The following PIAS1 variants were observed in gnomAD, a reference collection of about 807,000 sequenced individuals.
PIAS1 encodes the protein E3 SUMO-protein ligase PIAS1.
In PIAS1, 6 loss-of-function variants were observed where a neutral mutation model predicts 71.3. The observed-to-expected ratio is 0.08, with a 90% CI of 0.05 to 0.17. The LOEUF (loss-of-function observed/expected upper bound fraction) is 0.17, where lower values mean the gene tolerates loss of function less well. Among genes scored for constraint, PIAS1 ranks in the 10% least tolerant of loss-of-function variants. The probability of loss-of-function intolerance (pLI) is 1.00; values close to 1 mark genes in which losing one functional copy is unlikely to be tolerated. For synonymous variants in PIAS1, 303 were observed against 292.9 expected (o/e 1.03, Z -0.35); for missense variants, 555 against 793.6 (o/e 0.70, Z 3.61).
intron 12 of PIAS1, among the ~76,000 whole-genome samples, chr15:68,182,880 G>A (rs2093064203): frequency 1.3e-5 from 2 of 152,208 alleles, no homozygotes; most frequent in Admixed American, 6.5e-5. Flanking sequence ...CAGAGTATCT[G>A]TGGTGTTGTA....
chr15:68,170,608 A>C (rs1241600535), intron 8 of PIAS1, among the ~76,000 whole-genome samples: 1 of 152,046 alleles, frequency 6.6e-6, no homozygotes, highest in Non-Finnish European at 1.5e-5. Context: ...TAAATTTAAA[A>C]TATTTTTCTT....
intron 6 of PIAS1, among the ~76,000 whole-genome samples, chr15:68,152,311 CTTTT>C (rs1595770081): frequency 6.6e-6 from 1 of 152,164 alleles, no homozygotes; most frequent in East Asian, 1.9e-4. Flanking sequence ...GGTAAATTCG[CTTTT>C]TTGACACTTC....
intron 8 of PIAS1, among the ~76,000 whole-genome samples, chr15:68,172,465 C>T (rs543045885): frequency 6.6e-6 from 1 of 152,268 alleles, no homozygotes; most frequent in South Asian, 2.1e-4. Flanking sequence ...AATGGTATTT[C>T]TAGTTCCAGA....
chr15:68,077,068 G>T (rs1162775469), intron 1 of PIAS1, among the ~76,000 whole-genome samples: 1 of 152,134 alleles, frequency 6.6e-6, no homozygotes, highest in African/African-American at 2.4e-5. Flanking sequence ...AGGATGAGGT[G>T]GTTTGACTTT....
chr15:68,129,420 C>G (rs948108971), intron 2 of PIAS1, among the ~76,000 whole-genome samples: 1 of 151,778 alleles, frequency 6.6e-6, no homozygotes, highest in African/African-American at 2.4e-5. Flanking sequence ...TATACTTGAC[C>G]GTAAACATAA....
intron 1 of PIAS1, among the ~76,000 whole-genome samples, chr15:68,059,584 G>C (rs867722068): frequency 9.9e-5 from 15 of 151,644 alleles, no homozygotes; most frequent in South Asian, 8.4e-4. Flanking sequence ...GGTGGTGGGC[G>C]CCTGTAATCT....
intron 2 of PIAS1, among the ~76,000 whole-genome samples, chr15:68,116,959 G>A (rs2092570161): frequency 6.6e-6 from 1 of 152,136 alleles, no homozygotes; most frequent in South Asian, 2.1e-4. Context: ...TTCAGTACAT[G>A]TATAAATTGT....
rs533551662 is a variant in PIAS1 at position 68,192,307 on chromosome 15, T to C, written c.*4472T>C. ...TCTGGTGGATTTACCATGAAGGTAA[T>C]GAAGTTTAAGCACCAGGACCCTTCA... On this transcript the variant is annotated 3_prime_UTR_variant, in exon 14 of 14. Transcript: ENST00000249636. 6.6e-6 allele frequency: 1 copy of C among 152,228 alleles called. No homozygotes were observed. The highest frequency in any genetic ancestry group is 2.1e-4 in the South Asian group (1 of 4,820). 9.4% of individuals were successfully genotyped at this position (152,228 alleles called of 1,614,324 possible). A position where few individuals can be genotyped will look rare whatever the true frequency, so the allele number is the denominator to read the frequency against.
intron 13 of PIAS1, chr15:68,184,947 C>T (rs1239346254): frequency 2.0e-5 from 3 of 153,342 alleles, no homozygotes; most frequent in Non-Finnish European, 4.4e-5. Context: ...AAGAAGTCAT[C>T]GATGACCCAG....
At chr15:68,084,316 G>A (rs1327352052) in intron 1 of PIAS1, among the ~76,000 whole-genome samples, 1 of 151,954 alleles carries the variant, frequency 6.6e-6, no homozygotes, top group Non-Finnish European at 1.5e-5. Flanking sequence ...TCTAATCCTT[G>A]AAGTTTCATG....
intron 11 of PIAS1, among the ~76,000 whole-genome samples, chr15:68,179,845 TG>T (rs2093043493): frequency 6.6e-6 from 1 of 152,058 alleles, no homozygotes; most frequent in African/African-American, 2.4e-5. Flanking sequence ...CCCAAAGTGC[TG>T]GGATTACAGG....
intron 1 of PIAS1, among the ~76,000 whole-genome samples, chr15:68,082,992 A>G (rs2092242470): frequency 1.3e-5 from 2 of 152,150 alleles, no homozygotes; most frequent in Non-Finnish European, 2.9e-5. Flanking sequence ...CAAAATATAT[A>G]CAGTTCTGAG....
In PIAS1 at chr15:68,160,334, C is replaced by T. The variant is rs538487037; in HGVS notation, c.935-4397C>T. Among the ~76,000 whole-genome samples the T allele has an allele frequency of 2.6e-5, 4 of 152,204 alleles. No homozygotes were observed. The East Asian group carries it at 5.8e-4, about 22-fold the overall frequency. On this transcript the variant is annotated intron_variant, in intron 7 of 13. Coordinates refer to ENST00000249636, the MANE Select transcript of PIAS1 (RefSeq NM_016166.3). ...TTCATTTTTTCCCCCACATAGATAT[C>T]GAAATATTCCAACAGCATTTGTTGA...
chr15:68,170,892 C>T (rs1250465529), intron 8 of PIAS1, among the ~76,000 whole-genome samples: 2 of 152,166 alleles, frequency 1.3e-5, no homozygotes, highest in Non-Finnish European at 2.9e-5. Flanking sequence ...TCTCCCTCCT[C>T]GGCCTCCCAA....
intron 2 of PIAS1, among the ~76,000 whole-genome samples, chr15:68,114,730 AT>A (rs969586772): frequency 4.7e-5 from 7 of 149,502 alleles, no homozygotes; most frequent in African/African-American, 7.4e-5. Flanking sequence ...ATGTATCTAG[AT>A]TTTTTTTTTA....
chr15:68,178,977 G>A lies in PIAS1; in HGVS notation c.1482-2235G>A, dbSNP rs578017163. On this transcript the variant is annotated intron_variant, in intron 11 of 13. Transcript: ENST00000249636. The surrounding 1 kb of genome is among the most constrained non-coding windows in gnomAD (Gnocchi z 4.2). ...ATTTCCCAGTGACTAATTGAACCCA[G>A]CTATAGTATTTGCAAATGCCAGACA... 6.6e-6 allele frequency among the ~76,000 whole-genome samples: 1 copy of A among 152,274 alleles called. No individual in the cohort carries two copies. The highest frequency in any genetic ancestry group is 2.4e-5 in the African/African-American group (1 of 41,562).
intron 1 of PIAS1, among the ~76,000 whole-genome samples, chr15:68,082,429 A>T (rs2092237735): frequency 2.0e-5 from 3 of 152,158 alleles, no homozygotes; most frequent in Admixed American, 6.6e-5. Context: ...GATTTACCTG[A>T]TGTATTTGAA....
At chr15:68,074,395 C>T (rs1328634796) in intron 1 of PIAS1, among the ~76,000 whole-genome samples, 1 of 152,104 alleles carries the variant, frequency 6.6e-6, no homozygotes, top group African/African-American at 2.4e-5. Flanking sequence ...GCTTGATCTG[C>T]TGGGCTCAAG....
intron 2 of PIAS1, 48 bp from the exon 3 acceptor site, chr15:68,141,898 A>C: frequency 8.6e-7 from 1 of 1,160,842 alleles, no homozygotes; most frequent in Non-Finnish European, 1.2e-6. Context: ...TTTTGTCTTT[A>C]CTGGCGAATT....
Sources: gnomAD v4.1 joint callset for allele counts (sites outside exome capture counted in the v4.1 genomes callset) on GRCh38, gnomAD v4.1.1 for gene constraint, Gnocchi (gnomAD v3.1) non-coding constraint, MANE v1.5 for transcripts, NCBI Gene and HGNC (gene_info 2026-07-23, HGNC 2026-07-21) for gene names.